The following SORCS3 variants were observed in gnomAD, a reference collection of about 807,000 sequenced individuals.
SORCS3 encodes the protein sortilin related VPS10 domain containing receptor 3, also known as VPS10 domain-containing receptor SorCS3.
A neutral mutation model predicts 146.3 loss-of-function variants in SORCS3; 57 were observed. That is an observed-to-expected ratio of 0.39 (90% CI 0.31 to 0.49). The LOEUF is 0.49. Ranked by LOEUF, SORCS3 falls within the 20% of genes least tolerant of loss-of-function variation. The probability of loss-of-function intolerance (pLI) is 0.92; values close to 1 mark genes in which losing one functional copy is unlikely to be tolerated. For missense variants in SORCS3, 1,341 were observed against 1,575.5 expected, an observed-to-expected ratio of 0.85 and a Z score of 2.52; for synonymous variants, 653 against 618.5, an observed-to-expected ratio of 1.06 and a Z score of -0.83.
At chr10:104,677,786 A>C (rs938572384) in intron 1 of SORCS3, among the ~76,000 whole-genome samples, 1 of 152,140 alleles carries the variant, frequency 6.6e-6, no homozygotes, top group South Asian at 2.1e-4. Context: ...GTTGTTTCTC[A>C]GTGTGACTTT....
intron 2 of SORCS3, among the ~76,000 whole-genome samples, chr10:104,912,486 C>T (rs1406483637): frequency 1.3e-5 from 2 of 152,176 alleles, no homozygotes; most frequent in African/African-American, 4.8e-5. Context: ...TAGGACAGAC[C>T]TTGCTAGACT....
Position 105,045,038 on chromosome 10 carries a change from A to AAAAG in SORCS3, c.1028+1927_1028+1930dup, listed in dbSNP as rs1342780313. On this transcript the variant is annotated intron_variant, in intron 5 of 26. Coordinates refer to ENST00000369701, the MANE Select transcript of SORCS3 (RefSeq NM_014978.3). ...CAGAATTCGAAAAAAAAAAAAAAAA[A>AAAAG]AAAGAAAGAAAGAAAGAAAGCGAAA... Among the ~76,000 whole-genome samples, 186 of 116,110 alleles carry AAAAG rather than the reference A, an allele frequency of 1.6e-3. 3 individuals carry two copies. The highest frequency in any genetic ancestry group is 1.8e-3 in the South Asian group (6 of 3,256). The allele number at this position is 116,110 out of a possible 152,430, so 76.2% of individuals were successfully genotyped here. A position where few individuals can be genotyped will look rare whatever the true frequency, so the allele number is the denominator to read the frequency against.
At chr10:104,670,052 C>A (rs1205054189) in intron 1 of SORCS3, among the ~76,000 whole-genome samples, 1 of 151,984 alleles carries the variant, frequency 6.6e-6, no homozygotes, top group Non-Finnish European at 1.5e-5. Context: ...AAGTCCTTTG[C>A]CCATTTTTGA....
At chr10:104,926,997 G>A (rs1421798354) in intron 3 of SORCS3, among the ~76,000 whole-genome samples, 1 of 152,104 alleles carries the variant, frequency 6.6e-6, no homozygotes, top group African/African-American at 2.4e-5. Context: ...AGATTATCCA[G>A]ACATTTTAGA....
At chr10:105,100,469 G>A (rs1035589253) in intron 6 of SORCS3, among the ~76,000 whole-genome samples, 1 of 152,150 alleles carries the variant, frequency 6.6e-6, no homozygotes, top group Admixed American at 6.5e-5. Context: ...AGTATGTCAC[G>A]TATTTCATGA....
chr10:105,221,187 G>A (rs1235156181), intron 19 of SORCS3, among the ~76,000 whole-genome samples: 2 of 152,082 alleles, frequency 1.3e-5, no homozygotes, highest in African/African-American at 4.8e-5. Context: ...AGAAACTAGG[G>A]CATCCATCCC....
At chr10:104,915,776 C>T in intron 2 of SORCS3, 57 bp from the exon 3 acceptor site, 1 of 1,463,250 alleles carries the variant, frequency 6.8e-7, no homozygotes, top group Non-Finnish European at 9.6e-7. Context: ...TCCCTTTAGA[C>T]ATAGCTGCCC....
At chr10:105,186,368 C>T (rs995434306) in intron 14 of SORCS3, among the ~76,000 whole-genome samples, 1 of 152,158 alleles carries the variant, frequency 6.6e-6, no homozygotes, top group Non-Finnish European at 1.5e-5. Context: ...TAATTGTCCT[C>T]GTGCATAGGT....
chr10:104,823,367 A>G (rs2017897216), intron 1 of SORCS3, among the ~76,000 whole-genome samples: 1 of 152,112 alleles, frequency 6.6e-6, no homozygotes, highest in Non-Finnish European at 1.5e-5. Context: ...AAAATGAATT[A>G]TACTAACTTC....
At chr10:104,908,294 CT>C (rs750915403) in intron 2 of SORCS3, among the ~76,000 whole-genome samples, 29 of 152,194 alleles carry the variant, frequency 1.9e-4, no homozygotes, top group Non-Finnish European at 4.0e-4. Context: ...TCCACAGATC[CT>C]TTAATGATTT....
chr10:104,947,447 C>G (rs2019383373), intron 3 of SORCS3, among the ~76,000 whole-genome samples: 1 of 152,050 alleles, frequency 6.6e-6, no homozygotes, highest in Non-Finnish European at 1.5e-5. Context: ...TTGGGGGAGG[C>G]ACAATAAATT....
At chr10:104,872,897 T>C (rs2451499) in intron 2 of SORCS3, among the ~76,000 whole-genome samples, 109,128 of 152,200 alleles carry the variant, frequency 0.72, 39,588 homozygotes, top group East Asian at 0.88. Context: ...GCTGAAAGCA[T>C]CATCATTTGC....
At chr10:105,158,473 C>T (rs966685277) in intron 10 of SORCS3, among the ~76,000 whole-genome samples, 1 of 152,210 alleles carries the variant, frequency 6.6e-6, no homozygotes, top group Non-Finnish European at 1.5e-5. Flanking sequence ...GTTCACATAG[C>T]TTCCACTCTT....
At chr10:105,228,596 T>A (rs1589698672) in intron 20 of SORCS3, among the ~76,000 whole-genome samples, 1 of 152,148 alleles carries the variant, frequency 6.6e-6, no homozygotes, top group Non-Finnish European at 1.5e-5. Context: ...TCTTCTTCAT[T>A]TATGAAGAAT....
intron 1 of SORCS3, among the ~76,000 whole-genome samples, chr10:104,830,688 A>G (rs546108431): frequency 6.6e-6 from 1 of 152,342 alleles, no homozygotes; most frequent in African/African-American, 2.4e-5. Flanking sequence ...GTTACCTGCC[A>G]TACATAGGCA....
At chr10:105,108,377 G>A (rs571143256) in intron 7 of SORCS3, among the ~76,000 whole-genome samples, 1 of 152,220 alleles carries the variant, frequency 6.6e-6, no homozygotes, top group South Asian at 2.1e-4. Context: ...TATATTGGTG[G>A]CATTTTTAGA....
At chr10:104,703,733 A>G (rs1303560065) in intron 1 of SORCS3, among the ~76,000 whole-genome samples, 2 of 149,158 alleles carry the variant, frequency 1.3e-5, no homozygotes, top group Admixed American at 1.3e-4. Flanking sequence ...TTTTTTAAGA[A>G]GAAATGAAGA....
At chr10:105,249,868 G>A (rs779834119) in intron 22 of SORCS3, among the ~76,000 whole-genome samples, 1 of 151,668 alleles carries the variant, frequency 6.6e-6, no homozygotes, top group African/African-American at 2.4e-5. Context: ...GCGACAGAGT[G>A]AGACTCCATC....
At chr10:105,189,972 C>G (rs1025358825) in intron 14 of SORCS3, among the ~76,000 whole-genome samples, 1 of 152,204 alleles carries the variant, frequency 6.6e-6, no homozygotes, top group Admixed American at 6.5e-5. Flanking sequence ...TAGATAACCT[C>G]TTCTCTGCAG....
Sources: gnomAD v4.1 joint callset for allele counts (sites outside exome capture counted in the v4.1 genomes callset) on GRCh38, gnomAD v4.1.1 for gene constraint, MANE v1.5 for transcripts, NCBI Gene and HGNC (gene_info 2026-07-23, HGNC 2026-07-21) for gene names.